The following MSI2 variants were observed in gnomAD, a reference collection of about 807,000 sequenced individuals.
MSI2 encodes the protein RNA-binding protein Musashi homolog 2.
MSI2 carries 17 observed loss-of-function variants against 45.6 expected under a neutral mutation model. The observed-to-expected ratio is 0.37, with a 90% CI of 0.26 to 0.56. MSI2 has a LOEUF of 0.56. Ranked by LOEUF, MSI2 falls within the 20% of genes least tolerant of loss-of-function variation. MSI2 has a pLI of 0.77. For synonymous variants in MSI2, 156 were observed against 158.2 expected (o/e 0.99, Z 0.11); for missense variants, 293 against 444.2 (o/e 0.66, Z 3.06).
intron 4 of MSI2, among the ~76,000 whole-genome samples, chr17:57,258,586 A>C (rs1415037316): frequency 6.6e-6 from 1 of 152,038 alleles, no homozygotes; most frequent in Non-Finnish European, 1.5e-5. Flanking sequence ...CTTGGGGAGG[A>C]GAGGGTTCGG....
chr17:57,475,159 G>A (rs2085514009), intron 6 of MSI2, among the ~76,000 whole-genome samples: 1 of 152,220 alleles, frequency 6.6e-6, no homozygotes, highest in African/African-American at 2.4e-5. Context: ...TGTAAGGTGT[G>A]GGCACTAAGT....
chr17:57,391,423 C>G (rs1186439398), intron 5 of MSI2, among the ~76,000 whole-genome samples: 1 of 152,184 alleles, frequency 6.6e-6, no homozygotes, highest in Admixed American at 6.5e-5. Context: ...TCTGAGAAAC[C>G]AGGGTCAGTT....
intron 6 of MSI2, chr17:57,449,170 T>C (rs551583977): frequency 4.1e-4 from 62 of 152,456 alleles, no homozygotes; most frequent in African/African-American, 1.4e-3. Context: ...GGAATGCCAA[T>C]ACTGTGTCCT....
At chr17:57,690,872 T>C in the MSI2 span, among the ~76,000 whole-genome samples, 1 of 152,322 alleles carries the variant, frequency 6.6e-6, no homozygotes, top group South Asian at 2.1e-4. Context: ...GGCACAACAA[T>C]TTTATCCTAT....
chr17:57,344,987 C>T (rs556270767), intron 5 of MSI2, among the ~76,000 whole-genome samples: 22 of 152,136 alleles, frequency 1.4e-4, no homozygotes, highest in Middle Eastern at 3.4e-3. Flanking sequence ...CACTTGAACC[C>T]GGGAGGTGGA....
intron 7 of MSI2, among the ~76,000 whole-genome samples, chr17:57,576,108 G>GTCTTAC (rs1567910864): frequency 2.6e-5 from 4 of 152,192 alleles, no homozygotes; most frequent in Admixed American, 2.6e-4. Flanking sequence ...GACACTGTGG[G>GTCTTAC]AAGGCCATCC....
chr17:57,553,492 T>A (rs1398885363), intron 7 of MSI2, among the ~76,000 whole-genome samples: 2 of 152,376 alleles, frequency 1.3e-5, no homozygotes, highest in East Asian at 3.9e-4. Context: ...TTCTTCTCCC[T>A]GCTTTCCCAC....
At chr17:57,288,509 C>T (rs1356869957) in intron 5 of MSI2, among the ~76,000 whole-genome samples, 2 of 152,224 alleles carry the variant, frequency 1.3e-5, no homozygotes, top group Admixed American at 6.5e-5. Context: ...CCCAGCTTCT[C>T]CTGGGTCATC....
intron 7 of MSI2, among the ~76,000 whole-genome samples, chr17:57,534,312 T>G (rs2086878878): frequency 6.6e-6 from 1 of 152,264 alleles, no homozygotes; most frequent in African/African-American, 2.4e-5. Flanking sequence ...GCCTTCTTGC[T>G]GGATGACCGT....
chr17:57,551,989 A>C (rs1249297894), intron 7 of MSI2, among the ~76,000 whole-genome samples: 3 of 152,138 alleles, frequency 2.0e-5, no homozygotes, highest in South Asian at 2.1e-4. Flanking sequence ...CCTCAGCTCC[A>C]AAGGGTTGCC....
intron 7 of MSI2, among the ~76,000 whole-genome samples, chr17:57,559,862 C>T (rs1281584049): frequency 6.6e-6 from 1 of 152,260 alleles, no homozygotes; most frequent in African/African-American, 2.4e-5. Context: ...TGCCCCGTGC[C>T]CCTGCAGAGG....
At chr17:57,575,321 G>T (rs961307164) in intron 7 of MSI2, among the ~76,000 whole-genome samples, 4 of 152,082 alleles carry the variant, frequency 2.6e-5, no homozygotes, top group African/African-American at 9.7e-5. Context: ...ATGCTCAAAC[G>T]TCCTATCTTG....
At chr17:57,444,762 G>C (rs570240627) in intron 6 of MSI2, 8 of 152,348 alleles carry the variant, frequency 5.3e-5, no homozygotes, top group African/African-American at 1.9e-4. Flanking sequence ...GGTAGGAGAA[G>C]GAACCTTCCA....
chr17:57,541,151 TAGAGAGAGAGAGAG>T (rs55999583), intron 7 of MSI2, among the ~76,000 whole-genome samples: 1 of 148,910 alleles, frequency 6.7e-6, no homozygotes, highest in South Asian at 2.2e-4. Flanking sequence ...TACATTTTGG[TAGAGAGAGAGAGAG>T]AGAGAGAGAG....
intron 5 of MSI2, among the ~76,000 whole-genome samples, chr17:57,282,470 T>G (rs1909506746): frequency 6.6e-6 from 1 of 152,198 alleles, no homozygotes; most frequent in Non-Finnish European, 1.5e-5. Context: ...CCATATTTCT[T>G]GCTGAGATGA....
intron 5 of MSI2, among the ~76,000 whole-genome samples, chr17:57,363,656 T>A (rs185485689): frequency 6.6e-6 from 1 of 152,258 alleles, no homozygotes; most frequent in East Asian, 1.9e-4. Context: ...TGAGAATTGC[T>A]TGAGCCTGGG....
At chr17:57,576,958 C>T (rs142681797) in intron 7 of MSI2, among the ~76,000 whole-genome samples, 2 of 152,078 alleles carry the variant, frequency 1.3e-5, no homozygotes, top group Non-Finnish European at 2.9e-5. Flanking sequence ...TATTTGGTTG[C>T]ACTGCTCAGA....
intron 5 of MSI2, among the ~76,000 whole-genome samples, chr17:57,389,701 C>T (rs1814472696): frequency 1.3e-5 from 2 of 152,276 alleles, no homozygotes; most frequent in Admixed American, 6.5e-5. Flanking sequence ...CTTTTCTTAC[C>T]CTCTTGGTCT....
intron 11 of MSI2, among the ~76,000 whole-genome samples, chr17:57,667,783 A>G (rs1912479587): frequency 6.6e-6 from 1 of 152,214 alleles, no homozygotes; most frequent in Admixed American, 6.5e-5. Flanking sequence ...AGCAGACAGC[A>G]GTCAACTGCT....
Sources: gnomAD v4.1 joint callset for allele counts (sites outside exome capture counted in the v4.1 genomes callset) on GRCh38, gnomAD v4.1.1 for gene constraint, MANE v1.5 for transcripts, NCBI Gene and HGNC (gene_info 2026-07-23, HGNC 2026-07-21) for gene names.